The following DPY19L1 variants were observed in gnomAD, a reference collection of about 807,000 sequenced individuals.
DPY19L1 encodes protein C-mannosyl-transferase DPY19L1.
DPY19L1 carries 35 observed loss-of-function variants against 96.9 expected under a neutral mutation model. The ratio of observed to expected loss-of-function variants is 0.36; its 90% CI spans 0.28 to 0.48. The LOEUF is 0.48. Ranked by LOEUF, DPY19L1 falls within the 20% of genes least tolerant of loss-of-function variation. DPY19L1 has a pLI of 0.99. For synonymous variants in DPY19L1, 205 were observed against 252.6 expected (o/e 0.81, Z 1.79); for missense variants, 521 against 777.9 (o/e 0.67, Z 3.93).
upstream of DPY19L1, chr7:35,037,709 G>GC (rs1409705296): frequency 1.7e-6 from 1 of 584,422 alleles, no homozygotes; most frequent in Non-Finnish European, 2.2e-6. Context: ...CCGCGGCCCC[G>GC]CCCCCGCCGC....
intron 1 of DPY19L1, among the ~76,000 whole-genome samples, chr7:35,033,765 TC>T (rs1301948496): frequency 6.6e-6 from 1 of 152,118 alleles, no homozygotes; most frequent in Non-Finnish European, 1.5e-5. Flanking sequence ...CGCAAGTGTT[TC>T]CTACCATATG....
intron 3 of DPY19L1, among the ~76,000 whole-genome samples, chr7:35,017,110 T>C (rs573040685): frequency 6.6e-6 from 1 of 152,112 alleles, no homozygotes; most frequent in Admixed American, 6.5e-5. Flanking sequence ...GCCATGGTTT[T>C]GTGCCATAGT....
At chr7:34,951,505 T>TA (rs1784265264) in intron 13 of DPY19L1, among the ~76,000 whole-genome samples, 1 of 151,980 alleles carries the variant, frequency 6.6e-6, no homozygotes, top group Non-Finnish European at 1.5e-5. Context: ...CTTAACCTTT[T>TA]AAAAAATCAC....
intron 7 of DPY19L1, among the ~76,000 whole-genome samples, chr7:34,986,758 G>C (rs922468841): frequency 6.6e-6 from 1 of 152,000 alleles, no homozygotes; most frequent in African/African-American, 2.4e-5. Flanking sequence ...AATTAGATAT[G>C]AACCTCAAGG....
At chr7:35,001,825 T>A (rs973404835) in intron 6 of DPY19L1, among the ~76,000 whole-genome samples, 3 of 152,008 alleles carry the variant, frequency 2.0e-5, no homozygotes, top group Non-Finnish European at 2.9e-5. Flanking sequence ...GACCAAAGGA[T>A]GTTTAAAAAA....
At chr7:35,000,914 C>T (rs533592056) in intron 6 of DPY19L1, among the ~76,000 whole-genome samples, 2 of 152,194 alleles carry the variant, frequency 1.3e-5, no homozygotes, top group African/African-American at 4.8e-5. Context: ...AAGCTGCAGA[C>T]AATTTAATTG....
At chr7:35,018,001 A>C in intron 2 of DPY19L1, 32 bp from the exon 3 acceptor site, 1 of 1,453,300 alleles carries the variant, frequency 6.9e-7, no homozygotes, top group Non-Finnish European at 9.5e-7. Context: ...ATAGTGTTAA[A>C]ACTTACACTC....
At chr7:34,966,494 G>C (rs928731217) in intron 10 of DPY19L1, among the ~76,000 whole-genome samples, 1 of 151,898 alleles carries the variant, frequency 6.6e-6, no homozygotes, top group Admixed American at 6.6e-5. Flanking sequence ...ATCTGGCTCT[G>C]TTGCCCAGGC....
At chr7:34,999,472 G>C (rs545887257) in intron 6 of DPY19L1, among the ~76,000 whole-genome samples, 2 of 152,294 alleles carry the variant, frequency 1.3e-5, no homozygotes, top group South Asian at 4.1e-4. Flanking sequence ...TCCTCAAAAG[G>C]ATGAAACAGA....
chr7:35,003,422 G>A (rs1306272699), intron 6 of DPY19L1, among the ~76,000 whole-genome samples: 2 of 152,210 alleles, frequency 1.3e-5, no homozygotes, highest in African/African-American at 4.8e-5. Flanking sequence ...GCCTGGATGA[G>A]CCTGGACCAG....
chr7:34,960,863 T>G (rs1295899345), intron 10 of DPY19L1, among the ~76,000 whole-genome samples: 2 of 152,188 alleles, frequency 1.3e-5, no homozygotes, highest in Non-Finnish European at 2.9e-5. Context: ...GCAATTATTA[T>G]GGATTTTTTA....
intron 6 of DPY19L1, among the ~76,000 whole-genome samples, chr7:34,994,620 A>G (rs1192602021): frequency 6.6e-6 from 1 of 152,020 alleles, no homozygotes; most frequent in African/African-American, 2.4e-5. Flanking sequence ...CCTGGCTAAC[A>G]TGGTGAAAAC....
chr7:34,954,862 A>G (rs1188043837), intron 12 of DPY19L1, 84 bp from the exon 13 acceptor site: 23 of 593,008 alleles, frequency 3.9e-5, no homozygotes, highest in Non-Finnish European at 5.6e-5. Flanking sequence ...TGCTTTAATC[A>G]TACATGAAAT....
intron 1 of DPY19L1, among the ~76,000 whole-genome samples, chr7:35,032,192 C>G (rs148951487): frequency 6.6e-6 from 1 of 152,108 alleles, no homozygotes; most frequent in African/African-American, 2.4e-5. Flanking sequence ...GAATTGGACT[C>G]TAGGGTTTCA....
intron 1 of DPY19L1, among the ~76,000 whole-genome samples, chr7:35,021,508 A>T (rs535445032): frequency 6.6e-6 from 1 of 152,342 alleles, no homozygotes; most frequent in East Asian, 1.9e-4. Flanking sequence ...TGATGAGAGC[A>T]ATGGAGCTAA....
intron 1 of DPY19L1, among the ~76,000 whole-genome samples, chr7:35,033,267 C>G (rs1200155917): frequency 6.6e-6 from 1 of 152,184 alleles, no homozygotes; most frequent in African/African-American, 2.4e-5. Context: ...TTTCCTGACC[C>G]TACTTAAAGA....
chr7:34,941,662 T>C (rs1429161864), intron 18 of DPY19L1, 103 bp downstream of exon 18: 2 of 781,064 alleles, frequency 2.6e-6, no homozygotes, highest in African/African-American at 3.5e-5. Flanking sequence ...TGAAGAGCTT[T>C]AACTATAATC....
intron 10 of DPY19L1, among the ~76,000 whole-genome samples, chr7:34,961,416 C>T (rs1241117932): frequency 3.9e-5 from 6 of 152,054 alleles, no homozygotes; most frequent in African/African-American, 9.7e-5. Context: ...TTTCCACAAA[C>T]GGTGCTGGAA....
At chr7:34,944,176 A>T (rs1784087018) in intron 16 of DPY19L1, among the ~76,000 whole-genome samples, 1 of 151,984 alleles carries the variant, frequency 6.6e-6, no homozygotes, top group African/African-American at 2.4e-5. Flanking sequence ...CAGCCTGGCC[A>T]ATATGGTGAA....
Sources: allele counts gnomAD v4.1 joint callset (sites outside exome capture counted in the v4.1 genomes callset), GRCh38; gene constraint gnomAD v4.1.1; transcripts MANE v1.5; gene names NCBI Gene and HGNC (gene_info 2026-07-23, HGNC 2026-07-21).